Variants in PFAS observed in about 807,000 individuals in gnomAD.
PFAS encodes phosphoribosylformylglycinamidine synthase.
Under a neutral mutation model 140.6 loss-of-function variants are expected in PFAS, and 97 were observed. That is an observed-to-expected ratio of 0.69 (90% CI 0.59 to 0.82). The LOEUF is 0.82. Ranked by LOEUF, PFAS falls within the 40% of genes least tolerant of loss-of-function variation. PFAS has a pLI of 0.00. For missense variants in PFAS, 1,656 were observed against 1,780.2 expected, an observed-to-expected ratio of 0.93 and a Z score of 1.26; for synonymous variants, 679 against 718.8, an observed-to-expected ratio of 0.94 and a Z score of 0.88.
chr17:8,266,908 T>C lies in PFAS; in HGVS notation c.2967+10T>C, dbSNP rs200508046. 1.4e-5 allele frequency: 22 copies of C among 1,600,814 alleles called. No homozygotes were observed. Among genetic ancestry groups the C allele is most frequent in the Non-Finnish European group, 1.6e-5 (19 of 1,176,722 alleles). ...CGGGCCCCACGCCATGGTGAGGAAG[T>C]GAGGGAGAGAGCGGTGTGCAGTGGG... is the stretch of plus-strand genomic sequence containing the variant. On this transcript the variant is annotated intron_variant, in intron 23 of 27. Transcript: ENST00000314666. This position sits in a 1 kb window ranked among gnomAD's most constrained non-coding sequence, Gnocchi z 5.0.
chr17:8,258,281 A>G, intron 11 of PFAS, 82 bp downstream of exon 11: 1 of 1,450,220 alleles, frequency 6.9e-7, no homozygotes, highest in Non-Finnish European at 9.5e-7. Flanking sequence ...CTTAGGGAAC[A>G]CTTCAGTGGT....
In PFAS at chr17:8,266,454, T is replaced by G; in HGVS notation, c.2821+101T>G. The G allele has an allele frequency of 2.6e-6, 4 of 1,545,546 alleles. No homozygotes were observed. The highest frequency in any genetic ancestry group is 3.5e-6 in the Non-Finnish European group (4 of 1,145,754). On this transcript the variant is annotated intron_variant, in intron 22 of 27. Transcript: ENST00000314666. This position sits in a 1 kb window ranked among gnomAD's most constrained non-coding sequence, Gnocchi z 5.0. Reference sequence around the variant, plus strand: ...GAGTGGAGTGCCCTCCAGTCCCCTTTCCCTGAGTCTTCCCTGACTAGCTTT... The same window carrying G: ...GAGTGGAGTGCCCTCCAGTCCCCTTGCCCTGAGTCTTCCCTGACTAGCTTT...
chr17:8,248,127 G>A, upstream of PFAS: 1 of 981,616 alleles, frequency 1.0e-6, no homozygotes, highest in Non-Finnish European at 1.6e-6. Context: ...TCACCGGTGA[G>A]CGGGTTTCCT....
At chr17:8,264,412 G>A (rs780964722) in intron 16 of PFAS, 58 bp from the exon 17 acceptor site, 42 of 1,611,906 alleles carry the variant, frequency 2.6e-5, no homozygotes, top group South Asian at 9.9e-5. Context: ...GCACTTTGTC[G>A]CCTGTGTGCC....
chr17:8,250,786 C>A (rs771025663), intron 1 of PFAS, among the ~76,000 whole-genome samples: 1 of 152,030 alleles, frequency 6.6e-6, no homozygotes, highest in African/African-American at 2.4e-5. Flanking sequence ...AACAAGGAGA[C>A]AGGAGGAAAC....
At position 8,265,538 on chromosome 17, in the gene PFAS, C is replaced by A. The variant is rs760934995; in HGVS notation, c.2462-18C>A. 2.5e-6 allele frequency: 4 copies of A among 1,613,460 alleles called. No homozygotes were observed. The highest frequency in any genetic ancestry group is 3.3e-4 in the Middle Eastern group (2 of 6,078). On this transcript the variant is annotated intron_variant, in intron 19 of 27. Coordinates refer to ENST00000314666, the MANE Select transcript of PFAS (RefSeq NM_012393.3). ...TGGGTTGGCAACTCATTCCTTTGGA[C>A]TCCTCCTTGCTCTACAGGGTCACTG...
Position 8,263,141 on chromosome 17 carries a change from T to A in PFAS, c.1443T>A (p.Phe481Leu). ...VQGDNTSDLDFGAVQRGDPEM... is the reference protein window; with the variant it reads ...VQGDNTSDLDLGAVQRGDPEM... ...GAGATAACACCAGTGACCTGGACTTTGGGGCTGTGCAGCGAGGAGACCCGG... is the reference window on the plus strand; with the variant it reads ...GAGATAACACCAGTGACCTGGACTTAGGGGCTGTGCAGCGAGGAGACCCGG... Residue 481 changes from phenylalanine (F) to leucine (L), a missense_variant, in exon 13 of 28, where the codon TTT becomes TTA. Transcript: ENST00000314666. 6.2e-7 allele frequency: 1 copy of A among 1,614,086 alleles called. No individual in the cohort carries two copies. Among genetic ancestry groups the A allele is most frequent in the South Asian group, 1.1e-5 (1 of 91,074 alleles).
In PFAS at chr17:8,263,215, C is replaced by G; in HGVS notation, c.1517C>G (p.Pro506Arg). 1.9e-6 allele frequency: 3 copies of G among 1,614,102 alleles called. No individual in the cohort carries two copies. The highest frequency in any genetic ancestry group is 2.5e-6 in the Non-Finnish European group (3 of 1,180,016). Residue 506 changes from proline (P) to arginine (R), a missense_variant, in exon 13 of 28, where the codon CCC becomes CGC. Transcript: ENST00000314666. ...GTGATCAGGGCTTGTGTGGAGGCCC[C>G]CAAGGGAAACCCCATCTGCAGCCTT... ...NRVIRACVEA[P>R]KGNPICSLHD...
Position 8,256,575 on chromosome 17 carries a change from G to A in PFAS, c.873G>A (p.Arg291=). 2 of 1,614,088 alleles carry A rather than the reference G, an allele frequency of 1.2e-6. No homozygotes were observed. Among genetic ancestry groups the A allele is most frequent in the Non-Finnish European group, 1.7e-6 (2 of 1,180,038 alleles). Residue 291 remains arginine, a synonymous_variant, in exon 8 of 28, where the codon CGG becomes CGA. Coordinates refer to ENST00000314666, the MANE Select transcript of PFAS (RefSeq NM_012393.3). ...TCCTACGGCCTGAGGACCCCACACG[G>A]CCAAGCCGCTTCCAGCAACAGCAAG... is the stretch of plus-strand genomic sequence containing the variant. ...VRFLRPEDPT[R]PSRFQQQQGL...
At chr17:8,265,707 G>A (rs1012997100) in intron 20 of PFAS, 68 bp downstream of exon 20, 23 of 1,466,212 alleles carry the variant, frequency 1.6e-5, no homozygotes, top group Admixed American at 3.3e-5. Context: ...TGCTTTGTGA[G>A]TGCTGGGCCC....
upstream of PFAS, chr17:8,248,160 C>T: frequency 1.3e-6 from 1 of 742,544 alleles, no homozygotes; most frequent in Non-Finnish European, 2.4e-6. Context: ...CTCCTTCTCG[C>T]TGCTCACCCC....
rs2151598770 is a variant in PFAS at position 8,268,805 on chromosome 17, C to G, written c.3655C>G (p.Leu1219Val). Reference protein sequence around the residue: ...VRVGPGPALMLRGMEGAVLPV... With the variant: ...VRVGPGPALMVRGMEGAVLPV... ...TGTGGGGCCTGGGCCAGCCCTGATG[C>G]TGCGAGGGATGGAGGGCGCCGTGCT... The change falls in exon 27 of 28, where the codon CTG (leucine) becomes GTG (valine). Residue 1219 changes from leucine to valine, a missense_variant. Physicochemically the swap from Leu to Val is conservative, Grantham distance 32 (BLOSUM62 1). This residue lies in a region of PFAS where 883 missense variants were observed against 1,023.0 expected (regional missense o/e 0.86). Coordinates refer to ENST00000314666, the MANE Select transcript of PFAS (RefSeq NM_012393.3). 1.2e-6 allele frequency: 2 copies of G among 1,608,374 alleles called. No homozygotes were observed. The highest frequency in any genetic ancestry group is 2.7e-5 in the African/African-American group (2 of 75,050).
chr17:8,268,652 G>T lies in PFAS; in HGVS notation c.3502G>T (p.Gly1168Cys), dbSNP rs150994580. 11 of 1,613,644 alleles carry T rather than the reference G, an allele frequency of 6.8e-6. No homozygotes were observed. In the South Asian group the frequency reaches 9.9e-5, roughly 14 times the overall value. Reference protein sequence around the residue: ...CNGCQLLALLGWVGGDPNEDA... With the variant: ...CNGCQLLALLCWVGGDPNEDA... ...TGGCTGTCAACTGCTGGCTCTGCTC[G>T]GCTGGGTGGGAGGCGACCCCAATGA... Residue 1168 changes from glycine (G) to cysteine (C), a missense_variant, in exon 27 of 28, where the codon GGC (glycine) becomes TGC (cysteine). By Grantham distance (159) the Gly-to-Cys change is radical. Around this residue, in one of 2 missense-constraint regions of PFAS, gnomAD observed 883 missense variants for 1,023.0 expected, o/e 0.86. Coordinates refer to ENST00000314666, the MANE Select transcript of PFAS (RefSeq NM_012393.3).
Position 8,266,737 on chromosome 17 carries a change from C to T in PFAS, c.2822-16C>T, listed in dbSNP as rs761582555. ...CCCTTCTTGCATCCCCCTGACTCCC[C>T]ACATTGCTCTCCCAGTCCTGTCTGT... is the stretch of plus-strand genomic sequence containing the variant. On this transcript the variant is annotated splice_polypyrimidine_tract_variant and intron_variant, in intron 22 of 27. Transcript: ENST00000314666. This position sits in a 1 kb window ranked among gnomAD's most constrained non-coding sequence, Gnocchi z 5.0. 6.3e-7 allele frequency: 1 copy of T among 1,586,800 alleles called. No individual in the cohort carries two copies.
At chr17:8,257,480 C>T (rs765108595) in intron 9 of PFAS, among the ~76,000 whole-genome samples, 2 of 152,162 alleles carry the variant, frequency 1.3e-5, no homozygotes, top group Middle Eastern at 3.4e-3. Flanking sequence ...GGCGTGAACC[C>T]GGGAGGCGGA....
At chr17:8,257,050 G>A in intron 9 of PFAS, 87 bp downstream of exon 9, 1 of 1,398,616 alleles carries the variant, frequency 7.1e-7, no homozygotes, top group East Asian at 2.3e-5. Context: ...GGTCCATAGG[G>A]TTATCCTGTG....
chr17:8,256,629 G>C lies in PFAS; in HGVS notation c.927G>C (p.Glu309Asp), dbSNP rs570142054. Residue 309 changes from glutamate (E) to aspartate (D), a missense_variant, in exon 8 of 28, where the codon GAG (glutamate) becomes GAC (aspartate). Around this residue, in one of 2 missense-constraint regions of PFAS, gnomAD observed 773 missense variants for 757.3 expected, o/e 1.02. Coordinates refer to ENST00000314666, the MANE Select transcript of PFAS (RefSeq NM_012393.3). ...TGAGACATGTTGTCTTCACAGCAGAGACTCACAACTTTCCCACAGGTGAGC... is the reference window on the plus strand; with the variant it reads ...TGAGACATGTTGTCTTCACAGCAGACACTCACAACTTTCCCACAGGTGAGC... The part of the protein sequence containing the change: ...QGLRHVVFTA[E>D]THNFPTGVCP... The C allele has an allele frequency of 9.9e-6, 16 of 1,614,136 alleles. No individual in the cohort carries two copies. The East Asian group carries it at 3.6e-4, about 36-fold the overall frequency.
rs1989894691 is a variant in PFAS, at chr17:8,267,986, ATATT to A, written c.3382+322_3382+325del. 7.0e-6 allele frequency among the ~76,000 whole-genome samples: 1 copy of A among 143,840 alleles called. No homozygotes were observed. Among genetic ancestry groups the A allele is most frequent in the African/African-American group, 2.5e-5 (1 of 39,348 alleles). The allele number at this position is 143,840 out of a possible 152,430, so 94.4% of individuals were successfully genotyped here. On this transcript the variant is annotated intron_variant, in intron 26 of 27. Transcript: ENST00000314666. The surrounding 1 kb of genome is among the most constrained non-coding windows in gnomAD (Gnocchi z 4.9). ...TATATTATTTATATATATTATTTATATATTATTAAAATATATTATTTATATATAT... is the reference window on the plus strand; with the variant it reads ...TATATTATTTATATATATTATTTATAATTAAAATATATTATTTATATATAT...
In PFAS at chr17:8,264,391, T is replaced by C. The variant is rs1597427020; in HGVS notation, c.1917+54T>C. 6 of 1,612,428 alleles carry C rather than the reference T, an allele frequency of 3.7e-6. No homozygotes were observed. In the East Asian group the frequency reaches 1.3e-4, roughly 36 times the overall value. ...CCTGTGGTCCTCTCCACACCACCCT[T>C]TACCCTACGTGCACTTTGTCGCCTG... On this transcript the variant is annotated intron_variant, in intron 16 of 27. Coordinates refer to ENST00000314666, the MANE Select transcript of PFAS (RefSeq NM_012393.3).
Sources: gnomAD v4.1 joint callset for allele counts (sites outside exome capture counted in the v4.1 genomes callset) on GRCh38, gnomAD v4.1.1 for gene constraint, gnomAD v4.1.1 regional missense constraint, Gnocchi (gnomAD v3.1) non-coding constraint, MANE v1.5 for transcripts, NCBI Gene and HGNC (gene_info 2026-07-23, HGNC 2026-07-21) for gene names.